The following ACACA variants were observed in gnomAD, a reference collection of about 807,000 sequenced individuals.
ACACA encodes the protein acetyl-CoA carboxylase alpha, also known as acetyl-CoA carboxylase 1.
A neutral mutation model predicts 296.1 loss-of-function variants in ACACA; 103 were observed. That is an observed-to-expected ratio of 0.35 (90% CI 0.30 to 0.41). The LOEUF is 0.41. Among genes scored for constraint, ACACA ranks in the 10% least tolerant of loss-of-function variants. The pLI is 1.00. For synonymous variants in ACACA, 953 were observed against 1,038.6 expected (o/e 0.92, Z 1.58); for missense variants, 1,554 against 2,989.7 (o/e 0.52, Z 11.20).
intron 1 of ACACA, chr17:37,391,538 G>A: frequency 2.2e-6 from 2 of 925,972 alleles, no homozygotes. Flanking sequence ...AAAATGAAGT[G>A]CACTTGGAAT....
At chr17:37,300,477 G>A (rs2083566790) in intron 3 of ACACA, among the ~76,000 whole-genome samples, 1 of 152,046 alleles carries the variant, frequency 6.6e-6, no homozygotes, top group Non-Finnish European at 1.5e-5. Flanking sequence ...AATCTAACCT[G>A]AATCATGAAC....
intron 3 of ACACA, chr17:37,299,860 G>C: frequency 3.2e-6 from 3 of 926,204 alleles, no homozygotes; most frequent in Non-Finnish European, 2.6e-6. Flanking sequence ...AATCCAGAGG[G>C]AGGAGCACAG....
chr17:37,136,179 T>TAG (rs1421287879), intron 45 of ACACA, among the ~76,000 whole-genome samples: 3 of 152,056 alleles, frequency 2.0e-5, no homozygotes, highest in African/African-American at 7.3e-5. Context: ...ACAATCAAGA[T>TAG]AGAGAGCATT....
chr17:37,192,489 C>CTATT (rs1436023014), intron 36 of ACACA, among the ~76,000 whole-genome samples, 184 bp from the exon 37 acceptor site: 1 of 152,026 alleles, frequency 6.6e-6, no homozygotes, highest in Non-Finnish European at 1.5e-5. Context: ...ACTAAAGTAC[C>CTATT]TATTATATAG....
intron 50 of ACACA, among the ~76,000 whole-genome samples, chr17:37,114,566 T>C (rs898971612): frequency 1.3e-5 from 2 of 149,978 alleles, no homozygotes; most frequent in African/African-American, 4.9e-5. Flanking sequence ...GTACATTTTG[T>C]AATCCCTCCA....
intron 1 of ACACA, among the ~76,000 whole-genome samples, chr17:37,396,930 C>T (rs531787673): frequency 6.6e-6 from 1 of 152,178 alleles, no homozygotes; most frequent in South Asian, 2.1e-4. Context: ...GGTACATGTG[C>T]ACAATGTCCA....
chr17:37,258,464 T>A, intron 12 of ACACA, 91 bp from the exon 13 acceptor site: 2 of 1,244,614 alleles, frequency 1.6e-6, no homozygotes, highest in Non-Finnish European at 2.3e-6. Context: ...TTTTTATTTT[T>A]GGAGCCACTC....
intron 1 of ACACA, among the ~76,000 whole-genome samples, chr17:37,363,772 G>A (rs2049504762): frequency 6.6e-6 from 1 of 151,442 alleles, no homozygotes; most frequent in African/African-American, 2.4e-5. Context: ...GATCACCCGA[G>A]GTCAGGAGTT....
Position 37,270,473 on chromosome 17 carries a change from T to C in ACACA, c.1119+278A>G, listed in dbSNP as rs573462159. 1.1e-4 allele frequency among the ~76,000 whole-genome samples: 16 copies of C among 152,286 alleles called. No homozygotes were observed. The East Asian group carries it at 3.1e-3, about 29-fold the overall frequency. ...GGTCCTATAAGCCATACGCACCAGG[T>C]AGGAAAGAGCTATCTGACAAACTGA... On this transcript the variant is annotated intron_variant, in intron 10 of 55. Coordinates refer to ENST00000616317, the MANE Select transcript of ACACA (RefSeq NM_198834.3).
intron 26 of ACACA, among the ~76,000 whole-genome samples, chr17:37,226,082 A>G (rs2079530566): frequency 6.6e-6 from 1 of 152,172 alleles, no homozygotes; most frequent in Non-Finnish European, 1.5e-5. Context: ...TCACAGGGCT[A>G]CTAGGGAGGG....
At position 37,106,567 on chromosome 17, in the gene ACACA, T is replaced by TA. The variant is rs902166869; in HGVS notation, c.6565+4963dup. ...AAACCCAGAGATTTCCAAACAGGAATAAAAAAAAATACTGCTCCCCCATCA... is the reference window on the plus strand; with the variant it reads ...AAACCCAGAGATTTCCAAACAGGAATAAAAAAAAAATACTGCTCCCCCATCA... On this transcript the variant is annotated intron_variant, in intron 52 of 55. Transcript: ENST00000616317. Among the ~76,000 whole-genome samples, 14 of 151,400 alleles carry TA rather than the reference T, an allele frequency of 9.2e-5. No homozygotes were observed. The East Asian group carries it at 2.1e-3, about 23-fold the overall frequency.
intron 11 of ACACA, among the ~76,000 whole-genome samples, chr17:37,259,926 C>T (rs1469846397): frequency 7.4e-5 from 11 of 147,850 alleles, no homozygotes; most frequent in Non-Finnish European, 1.3e-4. Context: ...GTCTCCTGGG[C>T]TGGAGTCCAG....
chr17:37,305,509 G>T (rs576799028), intron 3 of ACACA, among the ~76,000 whole-genome samples: 71 of 152,318 alleles, frequency 4.7e-4, no homozygotes, highest in South Asian at 2.7e-3. Flanking sequence ...GAGTATGGGG[G>T]ATATAGAGTA....
At chr17:37,224,588 G>A (rs1014579214) in intron 27 of ACACA, among the ~76,000 whole-genome samples, 4 of 151,994 alleles carry the variant, frequency 2.6e-5, no homozygotes, top group Admixed American at 1.3e-4. Flanking sequence ...GTCTCCAGAA[G>A]AGTAACAACT....
At chr17:37,402,532 T>G (rs769955790) in intron 1 of ACACA, among the ~76,000 whole-genome samples, 2 of 152,158 alleles carry the variant, frequency 1.3e-5, no homozygotes, top group Non-Finnish European at 2.9e-5. Context: ...ATATTAATAC[T>G]TAGGTAGGGA....
intron 41 of ACACA, among the ~76,000 whole-genome samples, chr17:37,170,309 G>A (rs2076836887): frequency 6.6e-6 from 1 of 151,964 alleles, no homozygotes; most frequent in Admixed American, 6.6e-5. Flanking sequence ...GCTCAAGTGA[G>A]GGAGGAGGGG....
rs756031499 is a variant in ACACA at position 37,240,499 on chromosome 17, C to T, written c.3098G>A (p.Arg1033Gln). ...ACCATTCTGGAATTGTGTCTCTACT[C>T]GCAGGTACTGCCGGAGCAGATCCAT... is the stretch of plus-strand genomic sequence containing the variant. ...VVMDLLRQYL[R>Q]VETQFQNGHY... The change falls in exon 24 of 56, where the codon CGA becomes CAA. Residue 1033 changes from arginine to glutamine, a missense_variant. This residue lies in a region of ACACA where 316 missense variants were observed against 540.9 expected (regional missense o/e 0.58). Transcript: ENST00000616317. The T allele has an allele frequency of 7.4e-6, 12 of 1,613,680 alleles. No individual in the cohort carries two copies. Among genetic ancestry groups the T allele is most frequent in the Non-Finnish European group, 1.0e-5 (12 of 1,180,000 alleles).
rs575174427 is a variant in ACACA at position 37,271,640 on chromosome 17, TA to T, written c.1009-780del. 4.5e-3 allele frequency among the ~76,000 whole-genome samples: 651 copies of T among 144,228 alleles called. 3 individuals are homozygous for T. Among genetic ancestry groups the T allele is most frequent in the East Asian group, 0.02 (100 of 4,980 alleles). 94.6% of individuals were successfully genotyped at this position (144,228 alleles called of 152,430 possible). A position where few individuals can be genotyped will look rare whatever the true frequency, so the allele number is the denominator to read the frequency against. On this transcript the variant is annotated intron_variant, in intron 9 of 55. Coordinates refer to ENST00000616317, the MANE Select transcript of ACACA (RefSeq NM_198834.3). ...TATGCAGGCATCCATGTATTACAAT[TA>T]AAAAAAAAAAAGACATAAGGAGTTC...
intron 3 of ACACA, among the ~76,000 whole-genome samples, chr17:37,326,140 C>T (rs577418192): frequency 2.1e-5 from 3 of 139,874 alleles, no homozygotes; most frequent in African/African-American, 5.4e-5. Flanking sequence ...ACCTGGGAGG[C>T]GGAGGTTGCA....
Sources: allele counts gnomAD v4.1 joint callset (sites outside exome capture counted in the v4.1 genomes callset), GRCh38; gene constraint gnomAD v4.1.1; regional missense constraint gnomAD v4.1.1; transcripts MANE v1.5; gene names NCBI Gene and HGNC (gene_info 2026-07-23, HGNC 2026-07-21).